Variants in CTNNA3 observed in about 807,000 individuals in gnomAD.
CTNNA3 encodes catenin alpha 3, also known as catenin alpha-3.
Under a neutral mutation model 95.7 loss-of-function variants are expected in CTNNA3, and 76 were observed. The observed-to-expected ratio is 0.79, with a 90% CI of 0.66 to 0.96. The LOEUF (loss-of-function observed/expected upper bound fraction) is 0.96, where lower values mean the gene tolerates loss of function less well. Among genes scored for constraint, CTNNA3 ranks in the 40% least tolerant of loss-of-function variants. CTNNA3 has a pLI of 0.00. For missense variants in CTNNA3, 1,191 were observed against 1,089.8 expected, an observed-to-expected ratio of 1.09 and a Z score of -1.31; for synonymous variants, 431 against 374.4, an observed-to-expected ratio of 1.15 and a Z score of -1.74.
At position 66,360,807 on chromosome 10, in the gene CTNNA3, TCC is replaced by T. The variant is rs1491536187; in HGVS notation, c.1732+18343_1732+18344del. On this transcript the variant is annotated intron_variant, in intron 12 of 17. Transcript: ENST00000433211. ...TTTCTTCCTTCCTTCCTTCCTTCCT[TCC>T]TTCCTTCCTTTCTTTCTTTCTTTCT... Among the ~76,000 whole-genome samples the T allele has an allele frequency of 1.4e-3, 114 of 79,828 alleles. 14 individuals are homozygous for T. Among genetic ancestry groups the T allele is most frequent in the Middle Eastern group, 0.011 (2 of 182 alleles). 52.4% of individuals were successfully genotyped at this position (79,828 alleles called of 152,430 possible).
At chr10:66,042,687 G>T (rs922219491) in intron 15 of CTNNA3, among the ~76,000 whole-genome samples, 2 of 151,722 alleles carry the variant, frequency 1.3e-5, no homozygotes, top group Non-Finnish European at 2.9e-5. Context: ...ATCACTTGAC[G>T]TCAGGAGTTC....
chr10:66,895,162 C>A (rs1043013242), intron 7 of CTNNA3, among the ~76,000 whole-genome samples: 1 of 151,016 alleles, frequency 6.6e-6, no homozygotes, highest in African/African-American at 2.4e-5. Context: ...GGGTCTAGAA[C>A]TAAATATAAT....
chr10:66,565,195 C>T (rs767172882), intron 10 of CTNNA3, among the ~76,000 whole-genome samples: 1 of 152,174 alleles, frequency 6.6e-6, no homozygotes, highest in Non-Finnish European at 1.5e-5. Flanking sequence ...TTGACAGCAC[C>T]TATAAAACAA....
At chr10:67,594,985 G>C (rs1589466486) in intron 3 of CTNNA3, among the ~76,000 whole-genome samples, 1 of 152,072 alleles carries the variant, frequency 6.6e-6, no homozygotes, top group African/African-American at 2.4e-5. Flanking sequence ...CACAATGCTT[G>C]GTTTTCCATT....
intron 9 of CTNNA3, among the ~76,000 whole-genome samples, chr10:66,748,088 A>G (rs1564656128): frequency 6.6e-6 from 1 of 152,182 alleles, no homozygotes; most frequent in Non-Finnish European, 1.5e-5. Context: ...CGACTCTGGC[A>G]TCAAAGGTAT....
chr10:66,347,483 C>T (rs899542462), intron 12 of CTNNA3, among the ~76,000 whole-genome samples: 2 of 151,652 alleles, frequency 1.3e-5, no homozygotes, highest in African/African-American at 4.8e-5. Flanking sequence ...GGTATGGTGG[C>T]CACATCTGCG....
At chr10:67,434,312 T>C (rs992862019) in intron 5 of CTNNA3, among the ~76,000 whole-genome samples, 7 of 152,122 alleles carry the variant, frequency 4.6e-5, no homozygotes, top group East Asian at 3.9e-4. Flanking sequence ...TCTTGTAAGG[T>C]TGTCATTAGT....
At chr10:67,208,603 G>T (rs1864008207) in intron 6 of CTNNA3, among the ~76,000 whole-genome samples, 1 of 152,212 alleles carries the variant, frequency 6.6e-6, no homozygotes, top group Non-Finnish European at 1.5e-5. Context: ...CATCCAGACA[G>T]ACCAACATTC....
At chr10:66,558,884 C>T (rs1277794695) in intron 10 of CTNNA3, among the ~76,000 whole-genome samples, 1 of 152,028 alleles carries the variant, frequency 6.6e-6, no homozygotes, top group African/African-American at 2.4e-5. Context: ...TTCTATCAGT[C>T]TCTCTTGGAG....
chr10:67,298,547 G>C (rs1362476426), intron 5 of CTNNA3, among the ~76,000 whole-genome samples: 1 of 152,196 alleles, frequency 6.6e-6, no homozygotes, highest in East Asian at 1.9e-4. Context: ...GGCCGAATTA[G>C]CATAACGCTA....
intron 12 of CTNNA3, among the ~76,000 whole-genome samples, chr10:66,304,370 T>C (rs1259605891): frequency 1.3e-5 from 2 of 152,168 alleles, no homozygotes; most frequent in African/African-American, 2.4e-5. Context: ...ACAGAACCTA[T>C]GGCCCTGTCC....
chr10:67,077,149 C>G (rs556228473), intron 7 of CTNNA3, among the ~76,000 whole-genome samples: 5 of 152,284 alleles, frequency 3.3e-5, no homozygotes, highest in African/African-American at 9.6e-5. Context: ...TGTGGCCACT[C>G]CCTGCATCCA....
chr10:67,104,982 G>A (rs549636772), intron 7 of CTNNA3, among the ~76,000 whole-genome samples: 4 of 151,910 alleles, frequency 2.6e-5, no homozygotes, highest in Non-Finnish European at 5.9e-5. Flanking sequence ...TCTGATTGTG[G>A]ACAACAAAGA....
At chr10:67,296,571 A>T (rs1279166230) in intron 5 of CTNNA3, among the ~76,000 whole-genome samples, 1 of 152,210 alleles carries the variant, frequency 6.6e-6, no homozygotes, top group Non-Finnish European at 1.5e-5. Flanking sequence ...GGCATCCTCC[A>T]GGTTGAAAGG....
intron 7 of CTNNA3, among the ~76,000 whole-genome samples, chr10:66,890,388 AT>A (rs999583731): frequency 2.6e-5 from 4 of 152,014 alleles, no homozygotes; most frequent in Non-Finnish European, 4.4e-5. Context: ...AAAAAAAAAA[AT>A]AGTAGCAAAG....
In CTNNA3 at chr10:66,520,673, A is replaced by G; in HGVS notation, c.1475T>C (p.Val492Ala). 1 of 1,611,502 alleles carries G rather than the reference A, an allele frequency of 6.2e-7. No homozygotes were observed. Among genetic ancestry groups the G allele is most frequent in the Non-Finnish European group, 8.5e-7 (1 of 1,178,696 alleles). ...AATGTCATCTACGGCTTCAGTGAGG[A>G]CATGTATATGATTCTCCCATGTACG... Reference protein sequence around the residue: ...YKRTWENHIHVLTEAVDDITS... With the variant: ...YKRTWENHIHALTEAVDDITS... Residue 492 changes from valine (V) to alanine (A), a missense_variant, in exon 11 of 18, where the codon GTC becomes GCC. Coordinates refer to ENST00000433211, the MANE Select transcript of CTNNA3 (RefSeq NM_013266.4).
At chr10:67,011,788 T>A (rs1404186606) in intron 7 of CTNNA3, among the ~76,000 whole-genome samples, 1 of 152,110 alleles carries the variant, frequency 6.6e-6, no homozygotes, top group South Asian at 2.1e-4. Context: ...CAACCATACA[T>A]ACAGAAGAGA....
chr10:67,118,379 T>C (rs138122198), intron 7 of CTNNA3, among the ~76,000 whole-genome samples: 1 of 152,062 alleles, frequency 6.6e-6, no homozygotes, highest in Non-Finnish European at 1.5e-5. Context: ...CCCAGATGCC[T>C]CTCAGGCAGG....
chr10:66,112,680 G>A (rs915196411), intron 13 of CTNNA3, among the ~76,000 whole-genome samples: 1 of 152,020 alleles, frequency 6.6e-6, no homozygotes. Flanking sequence ...GTTTCTAGGA[G>A]TGTAAAAACA....
Sources: gnomAD v4.1 joint callset for allele counts (sites outside exome capture counted in the v4.1 genomes callset) on GRCh38, gnomAD v4.1.1 for gene constraint, MANE v1.5 for transcripts, NCBI Gene and HGNC (gene_info 2026-07-23, HGNC 2026-07-21) for gene names.